Variants in ZFHX3 observed in about 807,000 individuals in gnomAD.
ZFHX3 encodes the protein zinc finger homeobox protein 3.
A neutral mutation model predicts 279.1 loss-of-function variants in ZFHX3; 42 were observed. The observed-to-expected ratio is 0.15, with a 90% CI of 0.12 to 0.19. The LOEUF is 0.19. Among genes scored for constraint, ZFHX3 ranks in the 10% least tolerant of loss-of-function variants. The probability of loss-of-function intolerance (pLI) is 1.00; values close to 1 mark genes in which losing one functional copy is unlikely to be tolerated. For synonymous variants in ZFHX3, 2,293 were observed against 1,957.8 expected, an observed-to-expected ratio of 1.17 and a Z score of -4.52; for missense variants, 4,981 against 4,754.0, an observed-to-expected ratio of 1.05 and a Z score of -1.40.
intron 8 of ZFHX3, among the ~76,000 whole-genome samples, chr16:73,067,426 G>A (rs78699459): frequency 0.047 from 7,203 of 152,260 alleles, 307 homozygotes; most frequent in East Asian, 0.21. Context: ...TCACATCACG[G>A]CTCTTGGCAT....
At chr16:73,241,221 T>A (rs1366008505) in intron 5 of ZFHX3, among the ~76,000 whole-genome samples, 1 of 152,222 alleles carries the variant, frequency 6.6e-6, no homozygotes, top group Admixed American at 6.5e-5. Context: ...TGAAAAGTAT[T>A]CTTTTGAGCT....
chr16:73,266,593 G>C lies in ZFHX3; in HGVS notation c.-1193-9457C>G, dbSNP rs80127265. On this transcript the variant is annotated intron_variant, in intron 4 of 17. Coordinates refer to the ZFHX3 transcript ENST00000641206. ...CACTTAAGGGGCTTGGCCATGATTAGTTGGTGATGTGGTTTGGCTGCGTCC... is the reference window on the plus strand; with the variant it reads ...CACTTAAGGGGCTTGGCCATGATTACTTGGTGATGTGGTTTGGCTGCGTCC... 8.1e-3 allele frequency among the ~76,000 whole-genome samples: 1,231 copies of C among 152,264 alleles called. 12 individuals are homozygous for C. Among genetic ancestry groups the C allele is most frequent in the African/African-American group, 0.024 (981 of 41,554 alleles).
At chr16:73,791,801 T>C (rs1427934172) in intron 1 of ZFHX3, among the ~76,000 whole-genome samples, 1 of 152,236 alleles carries the variant, frequency 6.6e-6, no homozygotes, top group Non-Finnish European at 1.5e-5. Context: ...ACCACTGGTT[T>C]AGAACTTTCA....
chr16:72,949,895 G>A (rs1043828759), intron 3 of ZFHX3, among the ~76,000 whole-genome samples: 13 of 148,340 alleles, frequency 8.8e-5, no homozygotes, highest in African/African-American at 3.2e-4. Flanking sequence ...CTCTATGAGG[G>A]CAGGGATTTT....
At chr16:73,092,965 C>T (rs930038738) in intron 8 of ZFHX3, 1 of 520,108 alleles carries the variant, frequency 1.9e-6, no homozygotes, top group Admixed American at 1.9e-5. Context: ...TTCGTTTATG[C>T]TCTGTGTGCC....
chr16:72,931,550 G>A (rs1393269365), intron 3 of ZFHX3, among the ~76,000 whole-genome samples: 2 of 147,874 alleles, frequency 1.4e-5, no homozygotes, highest in Non-Finnish European at 3.0e-5. Flanking sequence ...ACAGGGAAGA[G>A]GAGGGATGCA....
intron 1 of ZFHX3, among the ~76,000 whole-genome samples, chr16:73,697,759 CA>C (rs35037276): frequency 0.86 from 130,100 of 150,542 alleles, 57,484 homozygotes; most frequent in Non-Finnish European, 0.96. Context: ...TCTGTGGTCA[CA>C]AAAAAAAAAA....
intron 5 of ZFHX3, among the ~76,000 whole-genome samples, chr16:73,251,940 CA>C (rs1487014536): frequency 1.3e-5 from 2 of 148,844 alleles, no homozygotes; most frequent in South Asian, 2.1e-4. Context: ...CACACACATA[CA>C]CACCACACAC....
chr16:73,838,943 A>C (rs558400665), intron 1 of ZFHX3, among the ~76,000 whole-genome samples: 44 of 152,240 alleles, frequency 2.9e-4, no homozygotes, highest in African/African-American at 1.1e-3. Context: ...TAAAGCTCAA[A>C]TATCAAGGCA....
At chr16:73,488,967 A>G (rs551876116) in intron 2 of ZFHX3, among the ~76,000 whole-genome samples, 1 of 152,326 alleles carries the variant, frequency 6.6e-6, no homozygotes, top group East Asian at 1.9e-4. Context: ...GCTGTTGTGA[A>G]GATTAAATGA....
At chr16:72,946,140 CT>C (rs1208540884) in intron 3 of ZFHX3, among the ~76,000 whole-genome samples, 12 of 152,220 alleles carry the variant, frequency 7.9e-5, no homozygotes, top group African/African-American at 2.9e-4. Context: ...TTCTTCCGTA[CT>C]GCACAATCCT....
chr16:73,846,933 T>G (rs911298865), intron 1 of ZFHX3, among the ~76,000 whole-genome samples: 1 of 147,840 alleles, frequency 6.8e-6, no homozygotes, highest in African/African-American at 2.5e-5. Context: ...TTTTAAATAG[T>G]TTTTTTTTCT....
chr16:73,577,415 G>C, intron 2 of ZFHX3, among the ~76,000 whole-genome samples: 1 of 152,120 alleles, frequency 6.6e-6, no homozygotes, highest in East Asian at 1.9e-4. Context: ...TCTCTCTGTA[G>C]TATTTCTTAC....
intron 2 of ZFHX3, among the ~76,000 whole-genome samples, chr16:73,580,516 A>C (rs866036312): frequency 7.9e-5 from 12 of 151,118 alleles, no homozygotes; most frequent in African/African-American, 2.4e-4. Context: ...AACAAAAAAA[A>C]AAAAACAGAG....
chr16:73,127,379 G>A (rs1324517269), intron 7 of ZFHX3: 1 of 1,305,460 alleles, frequency 7.7e-7, no homozygotes, highest in East Asian at 5.5e-5. Flanking sequence ...CTGAATGGCT[G>A]CTAACTAAAT....
At chr16:73,871,690 G>C (rs1377808173) in intron 1 of ZFHX3, among the ~76,000 whole-genome samples, 1 of 151,934 alleles carries the variant, frequency 6.6e-6, no homozygotes, top group African/African-American at 2.4e-5. Context: ...TTTTGCAAAG[G>C]CCAGCATAAC....
chr16:72,884,898 T>C (rs2038584769), intron 4 of ZFHX3, among the ~76,000 whole-genome samples: 1 of 151,932 alleles, frequency 6.6e-6, no homozygotes, highest in African/African-American at 2.4e-5. Context: ...TGATGACGAG[T>C]GGTTTCTACC....
At chr16:73,562,410 A>G (rs993842169) in intron 2 of ZFHX3, among the ~76,000 whole-genome samples, 12 of 152,160 alleles carry the variant, frequency 7.9e-5, no homozygotes, top group Admixed American at 5.9e-4. Flanking sequence ...CCTGGCTAAC[A>G]CGGTGAAACC....
Position 73,273,059 on chromosome 16 carries a change from T to G in ZFHX3, c.-1193-15923A>C, listed in dbSNP as rs544646279. Among the ~76,000 whole-genome samples, 6 of 152,292 alleles carry G rather than the reference T, an allele frequency of 3.9e-5. No homozygotes were observed. In the East Asian group the frequency reaches 1.2e-3, roughly 29 times the overall value. On this transcript the variant is annotated intron_variant, in intron 4 of 17. Transcript: ENST00000641206. ...ACCGTGCCCAGCCAAGGGTGTCTTTTGGCCCTTAAAGAAAAATACCACTAG... is the reference window on the plus strand; with the variant it reads ...ACCGTGCCCAGCCAAGGGTGTCTTTGGGCCCTTAAAGAAAAATACCACTAG...
Sources: gnomAD v4.1 joint callset for allele counts (sites outside exome capture counted in the v4.1 genomes callset) on GRCh38, gnomAD v4.1.1 for gene constraint, MANE v1.5 for transcripts, NCBI Gene and HGNC (gene_info 2026-07-23, HGNC 2026-07-21) for gene names.